Variants in ADAMTSL1 observed in about 807,000 individuals in gnomAD.
ADAMTSL1 encodes ADAMTS like 1, also known as ADAMTS-like protein 1.
A neutral mutation model predicts 201.8 loss-of-function variants in ADAMTSL1; 126 were observed. The observed-to-expected ratio is 0.62, with a 90% confidence interval of 0.54 to 0.72. ADAMTSL1 has a LOEUF of 0.72. ADAMTSL1 is among the 30% of genes least tolerant of loss of function. ADAMTSL1 has a pLI of 0.00. For synonymous variants in ADAMTSL1, 1,121 were observed against 903.4 expected (o/e 1.24, Z -4.32); for missense variants, 2,679 against 2,277.8 (o/e 1.18, Z -3.59).
intron 2 of ADAMTSL1, among the ~76,000 whole-genome samples, chr9:18,246,494 G>T (rs1831263109): frequency 6.6e-6 from 1 of 152,068 alleles, no homozygotes; most frequent in South Asian, 2.1e-4. Context: ...TCTAAGCAAG[G>T]ATAATAATAA....
At chr9:18,639,712 T>A (rs1827328427) in intron 7 of ADAMTSL1, among the ~76,000 whole-genome samples, 1 of 152,122 alleles carries the variant, frequency 6.6e-6, no homozygotes, top group South Asian at 2.1e-4. Flanking sequence ...AGATTGTTTT[T>A]AAAATAGTTT....
chr9:18,025,643 T>G (rs1219905487), intron 1 of ADAMTSL1, among the ~76,000 whole-genome samples: 1 of 152,188 alleles, frequency 6.6e-6, no homozygotes, highest in Non-Finnish European at 1.5e-5. Flanking sequence ...CATGCTGTTT[T>G]GGTTACTGTG....
rs1170424421 is a variant in ADAMTSL1, at chr9:17,936,804, C to T, written c.87+29882C>T. 3.9e-5 allele frequency among the ~76,000 whole-genome samples: 6 copies of T among 152,184 alleles called. 1 individual carries two copies. On this transcript the variant is annotated intron_variant, in intron 1 of 29. Coordinates refer to the ADAMTSL1 transcript ENST00000680146. ...AAATTGGCCTGCTTTACTCCCCTTC[C>T]ACAAATAAACTTTAAAGTACTCCCT...
intron 19 of ADAMTSL1, among the ~76,000 whole-genome samples, chr9:18,788,907 T>C (rs1484960708): frequency 6.6e-6 from 1 of 152,066 alleles, no homozygotes; most frequent in Admixed American, 6.5e-5. Flanking sequence ...CAGTATTTGG[T>C]TATTGGTGTT....
At chr9:18,151,969 G>A (rs1462554252) in intron 1 of ADAMTSL1, among the ~76,000 whole-genome samples, 1 of 152,058 alleles carries the variant, frequency 6.6e-6, no homozygotes, top group Non-Finnish European at 1.5e-5. Flanking sequence ...GAGTGGACAT[G>A]CTCTACTAGC....
At chr9:18,471,481 C>T (rs1218619529), upstream of ADAMTSL1, among the ~76,000 whole-genome samples, 1 of 152,160 alleles carries the variant, frequency 6.6e-6, no homozygotes, top group Non-Finnish European at 1.5e-5. Flanking sequence ...AATGTAAAAT[C>T]ACTTTGTAAA....
At chr9:18,580,030 A>G (rs546099186) in intron 4 of ADAMTSL1, among the ~76,000 whole-genome samples, 1 of 152,326 alleles carries the variant, frequency 6.6e-6, no homozygotes, top group South Asian at 2.1e-4. Flanking sequence ...AATTCATCAG[A>G]TGATACCTGA....
chr9:18,128,933 TA>T (rs1365522122), intron 1 of ADAMTSL1, among the ~76,000 whole-genome samples: 1 of 152,184 alleles, frequency 6.6e-6, no homozygotes, highest in African/African-American at 2.4e-5. Context: ...AGAAAGAACC[TA>T]TATTTTGCAT....
At chr9:18,193,432 A>T (rs1228654748) in intron 2 of ADAMTSL1, among the ~76,000 whole-genome samples, 9 of 152,066 alleles carry the variant, frequency 5.9e-5, no homozygotes, top group Non-Finnish European at 8.8e-5. Context: ...TCTGCTAGCA[A>T]TGGAGCTGTT....
intron 1 of ADAMTSL1, among the ~76,000 whole-genome samples, chr9:18,492,191 T>C (rs1257393455): frequency 6.6e-6 from 1 of 152,156 alleles, no homozygotes; most frequent in Admixed American, 6.5e-5. Context: ...ATGAAGATTA[T>C]TGATATAGCA....
chr9:18,125,492 C>G (rs7865012), intron 1 of ADAMTSL1, among the ~76,000 whole-genome samples: 109,255 of 151,622 alleles, frequency 0.72, 40,270 homozygotes, highest in South Asian at 0.84. Flanking sequence ...ATCTAACAAA[C>G]CATTACCTAA....
intron 2 of ADAMTSL1, among the ~76,000 whole-genome samples, chr9:18,173,251 G>C (rs1166977674): frequency 2.0e-5 from 3 of 152,058 alleles, no homozygotes; most frequent in East Asian, 3.9e-4. Context: ...GGTTGAACTG[G>C]AAAATCACTG....
At chr9:18,160,606 C>T (rs1827342181) in intron 1 of ADAMTSL1, among the ~76,000 whole-genome samples, 2 of 151,950 alleles carry the variant, frequency 1.3e-5, no homozygotes, top group Admixed American at 6.6e-5. Context: ...CCATGTTTTC[C>T]AGTCCCCAAA....
intron 2 of ADAMTSL1, among the ~76,000 whole-genome samples, chr9:18,216,914 TA>T (rs1478490423): frequency 6.6e-6 from 1 of 152,088 alleles, no homozygotes; most frequent in African/African-American, 2.4e-5. Context: ...CTGTGTGGCC[TA>T]AACTTTTATT....
chr9:18,621,555 TCCACACAC>T (rs1185973218), intron 4 of ADAMTSL1, among the ~76,000 whole-genome samples: 59 of 82,490 alleles, frequency 7.2e-4, no homozygotes, highest in African/African-American at 2.3e-3. Context: ...ACCGTCCTCT[TCCACACAC>T]ACACACACAC....
rs185550778 is a variant in ADAMTSL1, at chr9:18,271,576, T to C, written c.207+107595T>C. On this transcript the variant is annotated intron_variant, in intron 2 of 29. Coordinates refer to the ADAMTSL1 transcript ENST00000680146. ...ACATTTTCTTAATCCAGTCTAACAT[T>C]GTTGGACATTTGAGTTGGTTCCAAG... Among the ~76,000 whole-genome samples the C allele has an allele frequency of 5.9e-5, 9 of 152,320 alleles. No individual in the cohort carries two copies. The South Asian group carries it at 1.9e-3, about 32-fold the overall frequency.
chr9:18,646,047 T>G (rs964150393), intron 7 of ADAMTSL1, among the ~76,000 whole-genome samples: 1 of 152,170 alleles, frequency 6.6e-6, no homozygotes, highest in African/African-American at 2.4e-5. Context: ...CATTTGTTTG[T>G]ATCCTCTTTT....
intron 1 of ADAMTSL1, among the ~76,000 whole-genome samples, chr9:18,023,400 T>G (rs1032365692): frequency 1.3e-5 from 2 of 152,166 alleles, no homozygotes; most frequent in Non-Finnish European, 2.9e-5. Flanking sequence ...GGCAATTTAT[T>G]TGTTAATGTT....
chr9:18,599,281 C>T (rs1824472431), intron 4 of ADAMTSL1, among the ~76,000 whole-genome samples: 1 of 152,138 alleles, frequency 6.6e-6, no homozygotes, highest in Non-Finnish European at 1.5e-5. Context: ...TACAATTTGG[C>T]TTGTTAAAGA....
Sources: allele counts gnomAD v4.1 joint callset (sites outside exome capture counted in the v4.1 genomes callset), GRCh38; gene constraint gnomAD v4.1.1; transcripts MANE v1.5; gene names NCBI Gene and HGNC (gene_info 2026-07-23, HGNC 2026-07-21).